FSTL4: variants seen among roughly 807,000 people sequenced by gnomAD.
FSTL4 encodes follistatin-related protein 4.
A neutral mutation model predicts 78.2 loss-of-function variants in FSTL4; 28 were observed. The ratio of observed to expected loss-of-function variants is 0.36; its 90% CI spans 0.27 to 0.49. The LOEUF (loss-of-function observed/expected upper bound fraction) is 0.49, where lower values mean the gene tolerates loss of function less well. Ranked by LOEUF, FSTL4 falls within the 20% of genes least tolerant of loss-of-function variation. FSTL4 has a pLI of 0.98. For missense variants in FSTL4, 922 were observed against 1,084.9 expected (o/e 0.85, Z 2.11); for synonymous variants, 422 against 440.5 (o/e 0.96, Z 0.53).
At position 133,197,069 on chromosome 5, in the gene FSTL4, A is replaced by G. The variant is rs1581514923; in HGVS notation, c.*2026T>C. ...TTATTTTAAAAGGCCAGTTTGGGTC[A>G]AACTGGTCTTTGACTTAGGAATCCT... On this transcript the variant is annotated 3_prime_UTR_variant, in exon 16 of 16. Transcript: ENST00000265342. The G allele has an allele frequency of 1.3e-5, 2 of 152,342 alleles. No homozygotes were observed. The highest frequency in any genetic ancestry group is 4.1e-4 in the South Asian group (2 of 4,826). The allele number at this position is 152,342 out of a possible 1,614,324, so 9.4% of individuals were successfully genotyped here.
At chr5:133,490,488 T>C (rs1758245860) in intron 3 of FSTL4, among the ~76,000 whole-genome samples, 1 of 152,198 alleles carries the variant, frequency 6.6e-6, no homozygotes, top group Non-Finnish European at 1.5e-5. Context: ...GATGAACTAC[T>C]GGCTCTAATT....
In FSTL4 at chr5:133,426,499, C is replaced by T. The variant is rs755152624; in HGVS notation, c.161-25513G>A. ...CCAGACAGAGATCATTAGGAAGAGACTAACAATTCTGATCCCTCATAACGG... is the reference window on the plus strand; with the variant it reads ...CCAGACAGAGATCATTAGGAAGAGATTAACAATTCTGATCCCTCATAACGG... On this transcript the variant is annotated intron_variant, in intron 3 of 15. Transcript: ENST00000265342. This position sits in a 1 kb window ranked among gnomAD's most constrained non-coding sequence, Gnocchi z 5.0. 2.6e-4 allele frequency among the ~76,000 whole-genome samples: 39 copies of T among 152,200 alleles called. No individual in the cohort carries two copies. The highest frequency in any genetic ancestry group is 4.8e-4 in the African/African-American group (20 of 41,440).
chr5:133,480,639 C>T (rs1204820376), intron 3 of FSTL4, among the ~76,000 whole-genome samples: 6 of 151,890 alleles, frequency 4.0e-5, no homozygotes, highest in Non-Finnish European at 5.9e-5. Context: ...GGTATGGACG[C>T]GGTGGGAGCC....
rs74396748 is a variant in FSTL4, at chr5:133,592,255, G to A, written c.126+11603C>T. 8.0e-3 allele frequency among the ~76,000 whole-genome samples: 1,215 copies of A among 152,190 alleles called. 19 individuals are homozygous for A. Among genetic ancestry groups the A allele is most frequent in the African/African-American group, 0.028 (1,160 of 41,524 alleles). ...ACTAAATATGCTTTGTGCTGCATTC[G>A]CCGCTCACCATTGTGCTCACCACAT... is the stretch of plus-strand genomic sequence containing the variant. On this transcript the variant is annotated intron_variant, in intron 2 of 15. Coordinates refer to ENST00000265342, the MANE Select transcript of FSTL4 (RefSeq NM_015082.2).
chr5:133,507,963 G>A (rs1758647467), intron 3 of FSTL4, among the ~76,000 whole-genome samples: 1 of 152,134 alleles, frequency 6.6e-6, no homozygotes, highest in African/African-American at 2.4e-5. Context: ...GCTTAATGAT[G>A]GGATCTGTTC....
the FSTL4 span, among the ~76,000 whole-genome samples, chr5:133,831,662 A>T: frequency 1.3e-5 from 2 of 152,362 alleles, no homozygotes; most frequent in African/African-American, 4.8e-5. Context: ...TGCCAGAACC[A>T]TAAGGAAGTA....
chr5:133,778,576 T>C, the FSTL4 span, among the ~76,000 whole-genome samples: 442 of 152,312 alleles, frequency 2.9e-3, no homozygotes, highest in African/African-American at 0.01. Context: ...GTGGGAACTC[T>C]GAGCTTGTGG....
chr5:133,363,166 C>G (rs924261345), intron 4 of FSTL4, among the ~76,000 whole-genome samples: 1 of 151,932 alleles, frequency 6.6e-6, no homozygotes, highest in African/African-American at 2.4e-5. Context: ...AATCTGCATA[C>G]TTCACAGAGA....
intron 14 of FSTL4, 72 bp from the exon 15 acceptor site, chr5:133,202,114 TCAGGTGGAGTCACC>T (rs1292809720): frequency 1.1e-6 from 1 of 876,160 alleles, no homozygotes; most frequent in Non-Finnish European, 1.8e-6. Flanking sequence ...ACCTGTACGC[TCAGGTGGAGTCACC>T]CCGGCAGAGG....
chr5:133,787,559 C>G, the FSTL4 span, among the ~76,000 whole-genome samples: 1 of 151,948 alleles, frequency 6.6e-6, no homozygotes, highest in South Asian at 2.1e-4. Flanking sequence ...GGAGGCCACC[C>G]TCCCCGCCCC....
chr5:133,688,995 T>C, the FSTL4 span, among the ~76,000 whole-genome samples: 1 of 152,322 alleles, frequency 6.6e-6, no homozygotes, highest in East Asian at 1.9e-4. Flanking sequence ...CAGGAGTCCT[T>C]GCTGCAGGCA....
chr5:133,659,477 T>G, the FSTL4 span, among the ~76,000 whole-genome samples: 1 of 152,044 alleles, frequency 6.6e-6, no homozygotes, highest in Non-Finnish European at 1.5e-5. Flanking sequence ...AATCTATTGT[T>G]TGGTTTTTAT....
At chr5:133,401,743 G>A (rs544484662) in intron 3 of FSTL4, among the ~76,000 whole-genome samples, 1 of 152,214 alleles carries the variant, frequency 6.6e-6, no homozygotes, top group Non-Finnish European at 1.5e-5. Context: ...CTGCAAAGGA[G>A]AGAAAGGTTT....
At chr5:133,314,458 G>A (rs1375548771) in intron 5 of FSTL4, among the ~76,000 whole-genome samples, 1 of 152,228 alleles carries the variant, frequency 6.6e-6, no homozygotes, top group East Asian at 1.9e-4. Flanking sequence ...CTTCCTGAAA[G>A]CAGGCTCAGG....
chr5:133,708,208 A>G, the FSTL4 span, among the ~76,000 whole-genome samples: 19 of 151,190 alleles, frequency 1.3e-4, no homozygotes, highest in Admixed American at 1.1e-3. Flanking sequence ...GGGAGGGAAG[A>G]AAAGAGGGAG....
At chr5:133,736,083 G>A in the FSTL4 span, among the ~76,000 whole-genome samples, 1 of 152,208 alleles carries the variant, frequency 6.6e-6, no homozygotes, top group Non-Finnish European at 1.5e-5. Flanking sequence ...AGGATGGAGG[G>A]TACCAGGAAC....
chr5:133,495,647 C>T (rs529140406), intron 3 of FSTL4, among the ~76,000 whole-genome samples: 95 of 152,240 alleles, frequency 6.2e-4, no homozygotes, highest in African/African-American at 2.0e-3. Context: ...ATGATGAGCC[C>T]ATGCTCTGCT....
intron 3 of FSTL4, among the ~76,000 whole-genome samples, chr5:133,539,989 G>A (rs953390859): frequency 6.0e-5 from 9 of 150,720 alleles, no homozygotes; most frequent in Admixed American, 1.3e-4. Context: ...TTTTAATAGC[G>A]ACACTTTGAG....
At chr5:133,762,672 G>C in the FSTL4 span, among the ~76,000 whole-genome samples, 1 of 152,128 alleles carries the variant, frequency 6.6e-6, no homozygotes, top group Non-Finnish European at 1.5e-5. Flanking sequence ...TTCAGAGCAG[G>C]TTTGCTCATG....
Sources: allele counts gnomAD v4.1 joint callset (sites outside exome capture counted in the v4.1 genomes callset), GRCh38; gene constraint gnomAD v4.1.1; non-coding constraint Gnocchi (gnomAD v3.1); transcripts MANE v1.5; gene names NCBI Gene and HGNC (gene_info 2026-07-23, HGNC 2026-07-21).